Variants in BEST3 observed in about 807,000 individuals in gnomAD.
The protein encoded by BEST3 is bestrophin 3.
In BEST3, 50 loss-of-function variants were observed where a neutral mutation model predicts 47.1. That is an observed-to-expected ratio of 1.06 (90% CI 0.85 to 1.34). The LOEUF is 1.34. Among genes scored for constraint, BEST3 ranks in the 40% most tolerant of loss-of-function variants. The probability of loss-of-function intolerance (pLI) is 0.00; values close to 1 mark genes in which losing one functional copy is unlikely to be tolerated. For synonymous variants in BEST3, 282 were observed against 298.8 expected, an observed-to-expected ratio of 0.94 and a Z score of 0.58; for missense variants, 765 against 817.0, an observed-to-expected ratio of 0.94 and a Z score of 0.78.
intron 5 of BEST3, among the ~76,000 whole-genome samples, chr12:69,678,017 A>G (rs1186914730): frequency 6.6e-6 from 1 of 152,188 alleles, no homozygotes; most frequent in Admixed American, 6.5e-5. Flanking sequence ...GTTTCCTCCC[A>G]CAAATGGAGA....
Position 69,680,195 on chromosome 12 carries a change from T to C in BEST3, c.482-1302A>G, listed in dbSNP as rs76973514. Among the ~76,000 whole-genome samples, 138 of 152,014 alleles carry C rather than the reference T, an allele frequency of 9.1e-4. No individual in the cohort carries two copies. In the East Asian group the frequency reaches 0.024, roughly 26 times the overall value. On this transcript the variant is annotated intron_variant, in intron 4 of 9. Coordinates refer to ENST00000330891, the MANE Select transcript of BEST3 (RefSeq NM_032735.3). The stretch of plus-strand genomic sequence containing the variant: ...CCAAGGGAAGGGGAGATTGAATGAC[T>C]GAATAAGAGGAATAAGGTAACAGGT...
At chr12:69,686,805 A>G (rs1025574365) in intron 4 of BEST3, among the ~76,000 whole-genome samples, 4 of 151,448 alleles carry the variant, frequency 2.6e-5, no homozygotes, top group African/African-American at 9.7e-5. Flanking sequence ...AAAAGAAAAA[A>G]AGAAAGAAGG....
At chr12:69,693,586 T>G in intron 4 of BEST3, 88 bp downstream of exon 4, 1 of 1,131,390 alleles carries the variant, frequency 8.8e-7, no homozygotes, top group African/African-American at 1.6e-5. Context: ...CTTGAGTGAA[T>G]AAACAAACAT....
downstream of BEST3, among the ~76,000 whole-genome samples, chr12:69,651,060 A>C (rs1883192977): frequency 6.6e-6 from 1 of 152,228 alleles, no homozygotes; most frequent in Non-Finnish European, 1.5e-5. Flanking sequence ...CAGCCTGGGC[A>C]ACATAGCAGG....
At chr12:69,669,756 G>C (rs1418151600) in intron 9 of BEST3, 2 of 152,058 alleles carry the variant, frequency 1.3e-5, no homozygotes, top group African/African-American at 4.8e-5. Flanking sequence ...CCCTATTTCT[G>C]TTTCTGTATT....
At chr12:69,656,236 A>C (rs1471453766) in intron 9 of BEST3, among the ~76,000 whole-genome samples, 3 of 152,166 alleles carry the variant, frequency 2.0e-5, no homozygotes, top group Non-Finnish European at 2.9e-5. Flanking sequence ...GCTATTATGA[A>C]AACATTTTTG....
chr12:69,682,081 C>CAAAAAAAAA (rs35331064), intron 4 of BEST3, among the ~76,000 whole-genome samples: 2 of 102,276 alleles, frequency 2.0e-5, no homozygotes, highest in African/African-American at 3.9e-5. Context: ...GACTCCGTCT[C>CAAAAAAAAA]AAAAAAAAAA....
Position 69,653,821 on chromosome 12 carries a change from A to C in BEST3, c.*1086T>G. 1.0e-6 allele frequency: 1 copy of C among 985,464 alleles called. No homozygotes were observed. Among genetic ancestry groups the C allele is most frequent in the Non-Finnish European group, 1.2e-6 (1 of 829,966 alleles). 61.0% of individuals were successfully genotyped at this position (985,464 alleles called of 1,614,324 possible). ...GCCTCCCAGCTCCAGTATCCTGCCC[A>C]TTCCCAAATGACCCGATAGACACAG... On this transcript the variant is annotated 3_prime_UTR_variant, in exon 10 of 10. Transcript: ENST00000330891.
chr12:69,656,715 T>C (rs1456134414), intron 9 of BEST3, among the ~76,000 whole-genome samples: 1 of 152,084 alleles, frequency 6.6e-6, no homozygotes, highest in African/African-American at 2.4e-5. Context: ...CCTGGAGAGA[T>C]TCACTAAATG....
At chr12:69,675,800 AT>A (rs147311841) in intron 7 of BEST3, among the ~76,000 whole-genome samples, 1 of 151,168 alleles carries the variant, frequency 6.6e-6, no homozygotes. Context: ...TCAACATATT[AT>A]TTTTTTTTGG....
Position 69,696,127 on chromosome 12 carries a change from C to T in BEST3, c.152+1520G>A, listed in dbSNP as rs146473418. Among the ~76,000 whole-genome samples the T allele has an allele frequency of 5.6e-3, 851 of 152,198 alleles. 7 individuals carry two copies. Among genetic ancestry groups the T allele is most frequent in the African/African-American group, 0.019 (793 of 41,562 alleles). ...ATGTGTTTGATTTTCTTGACAAACT[C>T]ATCCTATAGTTCTTGGTATACCTTT... On this transcript the variant is annotated intron_variant, in intron 2 of 9. Coordinates refer to ENST00000330891, the MANE Select transcript of BEST3 (RefSeq NM_032735.3).
In BEST3 at chr12:69,655,466, CT is replaced by C; in HGVS notation, c.1447del (p.Ser483AlafsTer2). ...RETSQTSTLQ[S>X]LTPQSSVRTS... ...TCTCACACTGGACTGTGGGGTCAGG[CT>C]CTGTAAAGTGCTTGTCTGGCTGGTC... On this transcript the variant is annotated frameshift_variant, in exon 10 of 10. Transcript: ENST00000330891. LOFTEE classifies it low-confidence loss of function (END_TRUNC). The C allele has an allele frequency of 6.2e-7, 1 of 1,614,078 alleles. No homozygotes were observed. Among genetic ancestry groups the C allele is most frequent in the Non-Finnish European group, 8.5e-7 (1 of 1,180,028 alleles).
intron 1 of BEST3, 70 bp downstream of exon 1, chr12:69,699,135 G>T: frequency 2.9e-5 from 25 of 868,890 alleles, no homozygotes; most frequent in Non-Finnish European, 3.2e-5. Flanking sequence ...TTCAAGCTCT[G>T]CCAGGAAAAT....
chr12:69,648,744 T>G (rs1020914806), downstream of BEST3, among the ~76,000 whole-genome samples: 2 of 152,340 alleles, frequency 1.3e-5, no homozygotes, highest in East Asian at 3.9e-4. Context: ...AATTCCTTGA[T>G]GTTATTCTCC....
chr12:69,684,110 G>A (rs894338854), intron 4 of BEST3: 2 of 155,676 alleles, frequency 1.3e-5, no homozygotes, highest in African/African-American at 4.8e-5. Flanking sequence ...GCACGTGTCT[G>A]TCTCCATGCC....
chr12:69,652,500 C>T (rs1338371074), downstream of BEST3, among the ~76,000 whole-genome samples: 2 of 152,080 alleles, frequency 1.3e-5, no homozygotes, highest in African/African-American at 4.8e-5. Flanking sequence ...TGAATTCAAC[C>T]ACACGGGCTC....
chr12:69,668,605 A>G (rs560166168), intron 9 of BEST3, among the ~76,000 whole-genome samples: 1 of 152,330 alleles, frequency 6.6e-6, no homozygotes, highest in South Asian at 2.1e-4. Flanking sequence ...GAGAACATCT[A>G]TTGTTTTTGC....
chr12:69,696,702 T>C (rs975561369), intron 2 of BEST3, among the ~76,000 whole-genome samples: 1 of 152,186 alleles, frequency 6.6e-6, no homozygotes, highest in Non-Finnish European at 1.5e-5. Flanking sequence ...ATATCCCTCT[T>C]TTCCAAAGGA....
At chr12:69,644,148 G>T (rs972297533) in intron 9 of BEST3, among the ~76,000 whole-genome samples, 16 of 152,180 alleles carry the variant, frequency 1.1e-4, no homozygotes, top group African/African-American at 3.1e-4. Flanking sequence ...ATAAGCTCTA[G>T]GGTTGGGCTA....
Sources: allele counts gnomAD v4.1 joint callset (sites outside exome capture counted in the v4.1 genomes callset), GRCh38; gene constraint gnomAD v4.1.1; transcripts MANE v1.5; gene names NCBI Gene and HGNC (gene_info 2026-07-23, HGNC 2026-07-21).